Variants in SLIT2 observed in about 807,000 individuals in gnomAD.
SLIT2 encodes slit guidance ligand 2.
SLIT2 carries 41 observed loss-of-function variants against 185.7 expected under a neutral mutation model. The ratio of observed to expected loss-of-function variants is 0.22; its 90% CI spans 0.17 to 0.29. The LOEUF is 0.29. Among genes scored for constraint, SLIT2 ranks in the 10% least tolerant of loss-of-function variants. The probability of loss-of-function intolerance (pLI) is 1.00; values close to 1 mark genes in which losing one functional copy is unlikely to be tolerated. For missense variants in SLIT2, 1,571 were observed against 1,909.0 expected (o/e 0.82, Z 3.30); for synonymous variants, 693 against 680.2 (o/e 1.02, Z -0.29).
intron 29 of SLIT2, among the ~76,000 whole-genome samples, chr4:20,587,087 C>T (rs1307674503): frequency 6.6e-6 from 1 of 151,338 alleles, no homozygotes; most frequent in Admixed American, 6.6e-5. Flanking sequence ...GGCACAATCT[C>T]GGCTCATGGC....
intron 18 of SLIT2, among the ~76,000 whole-genome samples, chr4:20,536,414 C>T (rs577264626): frequency 3.6e-4 from 54 of 152,022 alleles, no homozygotes; most frequent in Admixed American, 3.3e-3. Context: ...AAAAATTAGC[C>T]GGGCATAGTG....
At chr4:20,283,713 A>T (rs1715009527) in intron 4 of SLIT2, among the ~76,000 whole-genome samples, 1 of 152,216 alleles carries the variant, frequency 6.6e-6, no homozygotes, top group South Asian at 2.1e-4. Context: ...GAATCATAAA[A>T]TTAGAGTATG....
intron 9 of SLIT2, among the ~76,000 whole-genome samples, chr4:20,492,476 G>GTA (rs1457378637): frequency 1.3e-5 from 2 of 152,164 alleles, no homozygotes; most frequent in Non-Finnish European, 2.9e-5. Context: ...TATTGCACAC[G>GTA]TATTTTGTAT....
At chr4:20,477,264 C>T (rs1200469391) in intron 5 of SLIT2, among the ~76,000 whole-genome samples, 4 of 150,668 alleles carry the variant, frequency 2.7e-5, no homozygotes, top group Admixed American at 6.6e-5. Context: ...TCATGAGTTG[C>T]GATTTTGGCG....
intron 11 of SLIT2, among the ~76,000 whole-genome samples, chr4:20,512,321 C>T (rs1180148842): frequency 6.6e-6 from 1 of 152,122 alleles, no homozygotes; most frequent in East Asian, 1.9e-4. Context: ...GATCGGAGTG[C>T]TCATCTGGGC....
intron 4 of SLIT2, among the ~76,000 whole-genome samples, chr4:20,418,619 A>G (rs969446594): frequency 1.3e-5 from 2 of 152,234 alleles, no homozygotes; most frequent in African/African-American, 4.8e-5. Context: ...ACCCGATAGC[A>G]TATGTTGTGC....
rs544706552 is a variant in SLIT2 at position 20,312,052 on chromosome 4, C to T, written c.395+43171C>T. On this transcript the variant is annotated intron_variant, in intron 4 of 36. Transcript: ENST00000504154. Reference sequence around the variant, plus strand: ...AGTAAGATTAGCTAAAGAATTTAGTCTTGTTTTTTATGACCATGATAGTTT... The same window carrying T: ...AGTAAGATTAGCTAAAGAATTTAGTTTTGTTTTTTATGACCATGATAGTTT... Among the ~76,000 whole-genome samples, 6 of 152,248 alleles carry T rather than the reference C, an allele frequency of 3.9e-5. 1 individual carries two copies. The South Asian group carries it at 1.0e-3, about 26-fold the overall frequency.
At chr4:20,532,619 A>G (rs1389687856) in intron 17 of SLIT2, among the ~76,000 whole-genome samples, 2 of 152,192 alleles carry the variant, frequency 1.3e-5, no homozygotes, top group Non-Finnish European at 2.9e-5. Context: ...GACATAGGTC[A>G]ATAGCATGGG....
chr4:20,484,854 A>G lies in SLIT2; in HGVS notation c.540-1346A>G, dbSNP rs779756095. On this transcript the variant is annotated intron_variant, in intron 6 of 36. Coordinates refer to ENST00000504154, the MANE Select transcript of SLIT2 (RefSeq NM_004787.4). This position sits in a 1 kb window ranked among gnomAD's most constrained non-coding sequence, Gnocchi z 4.3. ...GAGATTATCTGCCACAAGAGAGACT[A>G]TCATTGCTAGCTTACCATATTCTTC... Among the ~76,000 whole-genome samples, 6 of 152,118 alleles carry G rather than the reference A, an allele frequency of 3.9e-5. No individual in the cohort carries two copies. The highest frequency in any genetic ancestry group is 3.9e-4 in the Admixed American group (6 of 15,256).
At chr4:20,348,355 C>T (rs1030910344) in intron 4 of SLIT2, among the ~76,000 whole-genome samples, 1 of 151,982 alleles carries the variant, frequency 6.6e-6, no homozygotes, top group African/African-American at 2.4e-5. Context: ...TCTTCTGCCT[C>T]AGCCTCCCAA....
At chr4:20,327,336 A>G (rs915499232) in intron 4 of SLIT2, among the ~76,000 whole-genome samples, 20 of 152,080 alleles carry the variant, frequency 1.3e-4, no homozygotes, top group African/African-American at 4.6e-4. Context: ...TAGTTCAGTT[A>G]TAAAATCAAA....
At chr4:20,294,001 A>G (rs1055846479) in intron 4 of SLIT2, among the ~76,000 whole-genome samples, 2 of 151,932 alleles carry the variant, frequency 1.3e-5, no homozygotes, top group African/African-American at 2.4e-5. Context: ...AAATTCACAG[A>G]ACTGTATATG....
intron 4 of SLIT2, among the ~76,000 whole-genome samples, chr4:20,373,345 AACTC>A (rs1261393048): frequency 6.6e-6 from 1 of 152,120 alleles, no homozygotes; most frequent in African/African-American, 2.4e-5. Context: ...TGAAATACCT[AACTC>A]AATAATGTAT....
intron 22 of SLIT2, among the ~76,000 whole-genome samples, chr4:20,546,837 C>A (rs890243579): frequency 6.6e-6 from 1 of 151,630 alleles, no homozygotes; most frequent in South Asian, 2.1e-4. Context: ...TTAAAGTAGC[C>A]TTATTGGTAA....
chr4:20,381,325 A>G (rs1273164192), intron 4 of SLIT2, among the ~76,000 whole-genome samples: 2 of 152,140 alleles, frequency 1.3e-5, no homozygotes, highest in African/African-American at 4.8e-5. Flanking sequence ...AGGCAGAGAA[A>G]TCAATGCACA....
chr4:20,257,966 G>A (rs914573348), intron 3 of SLIT2, 27 bp downstream of exon 3: 2 of 1,085,920 alleles, frequency 1.8e-6, no homozygotes, highest in Non-Finnish European at 2.8e-6. Flanking sequence ...CCAAAGTTAT[G>A]ACAACATAAC....
chr4:20,480,678 C>T (rs760672287), intron 5 of SLIT2, 38 bp from the exon 6 acceptor site: 2 of 1,504,294 alleles, frequency 1.3e-6, no homozygotes, highest in East Asian at 2.3e-5. Flanking sequence ...AGCTACTGTC[C>T]ATCCCTTCTA....
At chr4:20,314,640 A>T (rs1182881256) in intron 4 of SLIT2, among the ~76,000 whole-genome samples, 5 of 152,128 alleles carry the variant, frequency 3.3e-5, no homozygotes, top group Admixed American at 3.3e-4. Context: ...ATTCCCATGA[A>T]CTAATGGGAA....
At chr4:20,456,769 T>A (rs1030538094) in intron 4 of SLIT2, among the ~76,000 whole-genome samples, 3 of 152,074 alleles carry the variant, frequency 2.0e-5, no homozygotes, top group African/African-American at 7.2e-5. Flanking sequence ...GGACACAGTA[T>A]TGAGAGAATA....
Sources: gnomAD v4.1 joint callset for allele counts (sites outside exome capture counted in the v4.1 genomes callset) on GRCh38, gnomAD v4.1.1 for gene constraint, Gnocchi (gnomAD v3.1) non-coding constraint, MANE v1.5 for transcripts, NCBI Gene and HGNC (gene_info 2026-07-23, HGNC 2026-07-21) for gene names.